Variants in FER1L6 observed in about 807,000 individuals in gnomAD.
FER1L6 encodes fer-1-like protein 6.
A neutral mutation model predicts 219.2 loss-of-function variants in FER1L6; 177 were observed. That is an observed-to-expected ratio of 0.81 (90% confidence interval 0.71 to 0.91). The LOEUF (loss-of-function observed/expected upper bound fraction) is 0.91, where lower values mean the gene tolerates loss of function less well. FER1L6 is among the 40% of genes least tolerant of loss of function. FER1L6 has a pLI of 0.00. For missense variants in FER1L6, 2,153 were observed against 2,259.9 expected (o/e 0.95, Z 0.96); for synonymous variants, 768 against 824.3 (o/e 0.93, Z 1.17).
At chr8:124,105,146 G>A (rs73703947) in intron 39 of FER1L6, among the ~76,000 whole-genome samples, 2,138 of 152,324 alleles carry the variant, frequency 0.014, 50 homozygotes, top group African/African-American at 0.049. Context: ...GTGAAACTAA[G>A]TTGAAACTTG....
intron 11 of FER1L6, among the ~76,000 whole-genome samples, chr8:123,983,818 A>C (rs549202685): frequency 6.6e-6 from 1 of 152,344 alleles, no homozygotes; most frequent in African/African-American, 2.4e-5. Flanking sequence ...GTGCTCAATA[A>C]ATCTTAGTTA....
At chr8:123,951,951 C>T (rs1055257368) in intron 1 of FER1L6, among the ~76,000 whole-genome samples, 1 of 152,172 alleles carries the variant, frequency 6.6e-6, no homozygotes, top group East Asian at 1.9e-4. Flanking sequence ...TGCCTCCATT[C>T]TGCAGTGAAG....
intron 2 of FER1L6, among the ~76,000 whole-genome samples, chr8:123,960,572 T>G (rs1563709099): frequency 6.6e-6 from 1 of 152,168 alleles, no homozygotes. Context: ...GGCAGATGTA[T>G]TCTCTCTCAG....
At chr8:123,934,339 C>T (rs1304602716) in intron 1 of FER1L6, among the ~76,000 whole-genome samples, 1 of 152,160 alleles carries the variant, frequency 6.6e-6, no homozygotes, top group Non-Finnish European at 1.5e-5. Flanking sequence ...AGGATCCAAA[C>T]AAGGATCATG....
At chr8:123,876,757 A>G (rs1030209374) in intron 1 of FER1L6, among the ~76,000 whole-genome samples, 1 of 152,094 alleles carries the variant, frequency 6.6e-6, no homozygotes, top group Non-Finnish European at 1.5e-5. Context: ...GACATGTCAT[A>G]AGTGTATGTT....
chr8:123,996,977 T>G (rs1817161575), intron 12 of FER1L6, among the ~76,000 whole-genome samples: 1 of 152,128 alleles, frequency 6.6e-6, no homozygotes. Context: ...CTTAAAGTTG[T>G]TGTAGTTATT....
intron 1 of FER1L6, among the ~76,000 whole-genome samples, chr8:123,924,128 C>T (rs921622959): frequency 6.8e-6 from 1 of 147,344 alleles, no homozygotes; most frequent in Admixed American, 7.0e-5. Context: ...CCAGCTACTC[C>T]AGAGGCTGAG....
chr8:124,096,973 G>A (rs1243704596), intron 35 of FER1L6, among the ~76,000 whole-genome samples: 1 of 151,998 alleles, frequency 6.6e-6, no homozygotes, highest in Non-Finnish European at 1.5e-5. Flanking sequence ...GATAATGTGT[G>A]TCAAGTGTAT....
chr8:123,857,273 G>C (rs774866151), intron 1 of FER1L6, among the ~76,000 whole-genome samples: 9 of 152,262 alleles, frequency 5.9e-5, no homozygotes, highest in Middle Eastern at 3.4e-3. Flanking sequence ...ACTTTGGGAG[G>C]CCAAGGCAGG....
At chr8:123,876,428 C>T (rs1817005378) in intron 1 of FER1L6, among the ~76,000 whole-genome samples, 1 of 152,108 alleles carries the variant, frequency 6.6e-6, no homozygotes, top group Non-Finnish European at 1.5e-5. Flanking sequence ...AAGAGATCCT[C>T]CCATCACAGC....
chr8:123,988,838 C>T (rs1816717161), intron 12 of FER1L6, among the ~76,000 whole-genome samples: 2 of 152,158 alleles, frequency 1.3e-5, no homozygotes. Context: ...TCTGATTTCT[C>T]TCTCTAGGAC....
chr8:124,041,692 G>A (rs1003646420), intron 20 of FER1L6, among the ~76,000 whole-genome samples: 1 of 152,116 alleles, frequency 6.6e-6, no homozygotes, highest in African/African-American at 2.4e-5. Flanking sequence ...GAGAAGTCAG[G>A]AGACACCTCA....
intron 1 of FER1L6, among the ~76,000 whole-genome samples, chr8:123,885,202 G>A (rs1448263668): frequency 6.6e-6 from 1 of 152,188 alleles, no homozygotes; most frequent in Non-Finnish European, 1.5e-5. Flanking sequence ...CCGGAACTGT[G>A]AAGGAATCAA....
In FER1L6 at chr8:124,060,710, G is replaced by A. The variant is rs746299119; in HGVS notation, c.3147+1G>A. ...CATCCAGGCAGACGCTTTCGAAGTG[G>A]TGCGAGCTTCTCACTCTCCCGACCT... On this transcript the variant is annotated splice_donor_variant, in intron 24 of 40. Transcript: ENST00000522917. LOFTEE classifies it high-confidence loss of function. 2 of 1,612,956 alleles carry A rather than the reference G, an allele frequency of 1.2e-6. No homozygotes were observed. Among genetic ancestry groups the A allele is most frequent in the South Asian group, 1.1e-5 (1 of 91,032 alleles).
intron 18 of FER1L6, among the ~76,000 whole-genome samples, chr8:124,025,294 G>C (rs2130653318): frequency 6.6e-6 from 1 of 152,100 alleles, no homozygotes; most frequent in African/African-American, 2.4e-5. Flanking sequence ...TTCTTCCAGA[G>C]TTTTTATGGT....
intron 17 of FER1L6, among the ~76,000 whole-genome samples, chr8:124,022,910 T>C (rs914508953): frequency 1.1e-5 from 1 of 92,202 alleles, no homozygotes; most frequent in African/African-American, 5.4e-5. Context: ...GTAGGCACTT[T>C]ATTTATTTAT....
At chr8:124,107,340 T>C (rs1024487603) in intron 39 of FER1L6, among the ~76,000 whole-genome samples, 22 of 152,172 alleles carry the variant, frequency 1.4e-4, no homozygotes, top group Non-Finnish European at 3.2e-4. Context: ...TTAGTACACA[T>C]TGATTTATAT....
At chr8:123,961,823 A>T (rs1041073264) in intron 2 of FER1L6, among the ~76,000 whole-genome samples, 16 of 152,010 alleles carry the variant, frequency 1.1e-4, no homozygotes, top group Non-Finnish European at 1.9e-4. Context: ...TCAAGTGTGC[A>T]GACTCTTTAA....
At position 123,973,497 on chromosome 8, in the gene FER1L6, G is replaced by C; in HGVS notation, c.511G>C (p.Val171Leu). 6.2e-7 allele frequency: 1 copy of C among 1,613,454 alleles called. No homozygotes were observed. The highest frequency in any genetic ancestry group is 8.5e-7 in the Non-Finnish European group (1 of 1,179,394). The change falls in exon 7 of 41, where the codon GTG becomes CTG. Residue 171 changes from valine to leucine, a missense_variant. Transcript: ENST00000522917. Reference sequence around the variant, plus strand: ...CTCTTTCAAAGTAGACCTGGGGACCGTGTACAACCAACCTGGTAAGAAAAC... The same window carrying C: ...CTCTTTCAAAGTAGACCTGGGGACCCTGTACAACCAACCTGGTAAGAAAAC... ...IGSFKVDLGT[V>L]YNQPGHQFCN...
Sources: allele counts gnomAD v4.1 joint callset (sites outside exome capture counted in the v4.1 genomes callset), GRCh38; gene constraint gnomAD v4.1.1; transcripts MANE v1.5; gene names NCBI Gene and HGNC (gene_info 2026-07-23, HGNC 2026-07-21).